The following KEL variants were observed in gnomAD, a reference collection of about 807,000 sequenced individuals.
The protein encoded by KEL is kell blood group glycoprotein.
Under a neutral mutation model 99.5 loss-of-function variants are expected in KEL, and 96 were observed. That is an observed-to-expected ratio of 0.97 (90% CI 0.82 to 1.14). The LOEUF is 1.14. Among genes scored for constraint, KEL ranks in the 50% most tolerant of loss-of-function variants. The pLI is 0.00. For missense variants in KEL, 926 were observed against 924.2 expected (o/e 1.00, Z -0.03); for synonymous variants, 355 against 354.8 (o/e 1.00, Z -0.01).
intron 10 of KEL, among the ~76,000 whole-genome samples, chr7:142,951,837 T>C (rs1796693769): frequency 6.6e-6 from 1 of 152,120 alleles, no homozygotes; most frequent in Non-Finnish European, 1.5e-5. Flanking sequence ...AAGACTAAAC[T>C]GAGGCCTTCA....
intron 6 of KEL, among the ~76,000 whole-genome samples, chr7:142,957,582 T>A (rs892500700): frequency 1.3e-5 from 2 of 152,286 alleles, no homozygotes; most frequent in Non-Finnish European, 1.5e-5. Flanking sequence ...CTGAGACTAA[T>A]CCAGATTAAC....
At chr7:142,942,276 G>A in intron 18 of KEL, 158 bp downstream of exon 18, 1 of 651,418 alleles carries the variant, frequency 1.5e-6, no homozygotes, top group Non-Finnish European at 2.8e-6. Flanking sequence ...TGATTCCAAG[G>A]GGTAGGGAGG....
At chr7:142,954,634 C>A (rs963545795) in intron 6 of KEL, 107 bp from the exon 7 acceptor site, 13 of 950,604 alleles carry the variant, frequency 1.4e-5, no homozygotes, top group Non-Finnish European at 2.1e-5. Context: ...GAGATGGACA[C>A]AAAGATTGGA....
chr7:142,950,810 C>G (rs1173989398), intron 10 of KEL, among the ~76,000 whole-genome samples: 2 of 152,196 alleles, frequency 1.3e-5, no homozygotes, highest in African/African-American at 4.8e-5. Context: ...ACTTGTTTCT[C>G]AATCCTGTAT....
chr7:142,958,024 C>T (rs1280944041), intron 5 of KEL, 51 bp from the exon 6 acceptor site: 2 of 1,595,644 alleles, frequency 1.3e-6, no homozygotes, highest in Non-Finnish European at 1.7e-6. Context: ...GAGCCCATCC[C>T]CCATTGTCTG....
At chr7:142,951,669 A>G (rs1265995633) in intron 10 of KEL, among the ~76,000 whole-genome samples, 1 of 152,218 alleles carries the variant, frequency 6.6e-6, no homozygotes, top group East Asian at 1.9e-4. Context: ...TGTCTAGCAC[A>G]CCATTAGCTC....
At position 142,962,203 on chromosome 7, in the gene KEL, C is replaced by T. The variant is rs370546371; in HGVS notation, c.3+1G>A. 1 of 1,614,054 alleles carries T rather than the reference C, an allele frequency of 6.2e-7. No individual in the cohort carries two copies. The highest frequency in any genetic ancestry group is 8.5e-7 in the Non-Finnish European group (1 of 1,180,016). On this transcript the variant is annotated splice_donor_variant, in intron 1 of 18. Transcript: ENST00000355265. LOFTEE classifies it high-confidence loss of function. ...GCCTCTGACTCCAAAAGGGGACTTA[C>T]CATCTGTCTATCTTCTGTGGCTCCA...
At chr7:142,948,649 G>C (rs1727118169) in intron 10 of KEL, among the ~76,000 whole-genome samples, 1 of 152,142 alleles carries the variant, frequency 6.6e-6, no homozygotes, top group South Asian at 2.1e-4. Flanking sequence ...GATCACTGAA[G>C]AAAAATAATG....
chr7:142,955,425 T>G (rs1796805650), intron 6 of KEL, among the ~76,000 whole-genome samples: 1 of 152,194 alleles, frequency 6.6e-6, no homozygotes, highest in Non-Finnish European at 1.5e-5. Flanking sequence ...TGTCCCATTT[T>G]TTGGGAAAAA....
At chr7:142,956,312 C>T (rs1796828569) in intron 6 of KEL, among the ~76,000 whole-genome samples, 1 of 152,092 alleles carries the variant, frequency 6.6e-6, no homozygotes. Context: ...CTCAGGGCCT[C>T]AAAAATGCTC....
At chr7:142,944,166 C>G (rs932798672) in intron 13 of KEL, among the ~76,000 whole-genome samples, 157 bp downstream of exon 13, 4 of 152,198 alleles carry the variant, frequency 2.6e-5, no homozygotes, top group African/African-American at 9.7e-5. Context: ...GCAAGACGTA[C>G]AGTGTGGATA....
At chr7:142,958,275 A>T in intron 5 of KEL, 29 bp downstream of exon 5, 2 of 1,614,012 alleles carry the variant, frequency 1.2e-6, no homozygotes, top group Non-Finnish European at 1.7e-6. Context: ...TTATGTATCC[A>T]GAAAAGTTAA....
At position 142,952,436 on chromosome 7, in the gene KEL, C is replaced by T. The variant is rs370341221; in HGVS notation, c.1203+73G>A. ...CGGCCCCCTCCCTGAGAGAGAGATG[C>T]CGACATTTACCCCTCAAAAGAGTAG... On this transcript the variant is annotated intron_variant, in intron 10 of 18. Transcript: ENST00000355265. The T allele has an allele frequency of 4.5e-4, 710 of 1,586,834 alleles. 7 individuals carry two copies. The South Asian group carries it at 7.5e-3, about 17-fold the overall frequency.
At position 142,942,816 on chromosome 7, in the gene KEL, G is replaced by A. The variant is rs1796398314; in HGVS notation, c.1941+59C>T. 4 of 1,594,940 alleles carry A rather than the reference G, an allele frequency of 2.5e-6. 1 individual carries two copies. In the South Asian group the frequency reaches 3.3e-5, roughly 13 times the overall value. On this transcript the variant is annotated intron_variant, in intron 17 of 18. Transcript: ENST00000355265. Reference sequence around the variant, plus strand: ...GTCAGGAATGGTGGAAGGAAAACTTGAGGACATGTTTTCTAGTCTGCCAGT... The same window carrying A: ...GTCAGGAATGGTGGAAGGAAAACTTAAGGACATGTTTTCTAGTCTGCCAGT...
At chr7:142,962,009 G>T in intron 1 of KEL, 137 bp from the exon 2 acceptor site, 2 of 1,609,866 alleles carry the variant, frequency 1.2e-6, no homozygotes, top group Non-Finnish European at 1.7e-6. Flanking sequence ...TCGGAGCAGT[G>T]TTCCCAGATG....
chr7:142,944,124 T>C (rs1796448274), intron 13 of KEL, among the ~76,000 whole-genome samples, 199 bp downstream of exon 13: 1 of 152,162 alleles, frequency 6.6e-6, no homozygotes, highest in South Asian at 2.1e-4. Flanking sequence ...GGCACATGCG[T>C]TGGGACCTGA....
rs1401438640 is a variant in KEL at position 142,945,750 on chromosome 7, T to C, written c.1314+457A>G. 2.0e-5 allele frequency among the ~76,000 whole-genome samples: 3 copies of C among 152,064 alleles called. No homozygotes were observed. In the East Asian group the frequency reaches 5.8e-4, roughly 29 times the overall value. ...TTCAAGCGATTCGCCTGCCTCGGCC[T>C]CCCGAGTAGCTGGGATTACAGGCAT... On this transcript the variant is annotated intron_variant, in intron 11 of 18. Transcript: ENST00000355265.
At chr7:142,946,973 G>C (rs181914539) in intron 10 of KEL, among the ~76,000 whole-genome samples, 1 of 152,188 alleles carries the variant, frequency 6.6e-6, no homozygotes, top group Non-Finnish European at 1.5e-5. Flanking sequence ...GAAGGTGGAG[G>C]GCTTTCACTG....
At chr7:142,958,005 G>T (rs2116680454) in intron 5 of KEL, 32 bp from the exon 6 acceptor site, 1 of 1,607,608 alleles carries the variant, frequency 6.2e-7, no homozygotes, top group Non-Finnish European at 8.5e-7. Flanking sequence ...CTGAGCATAA[G>T]GATCCGTGGA....
Sources: gnomAD v4.1 joint callset for allele counts (sites outside exome capture counted in the v4.1 genomes callset) on GRCh38, gnomAD v4.1.1 for gene constraint, MANE v1.5 for transcripts, NCBI Gene and HGNC (gene_info 2026-07-23, HGNC 2026-07-21) for gene names.